The following C12orf75 variants were observed in gnomAD, a reference collection of about 807,000 sequenced individuals.
C12orf75 encodes the protein overexpressed in colon carcinoma 1 protein.
C12orf75 carries 4 observed loss-of-function variants against 11.4 expected under a neutral mutation model. The observed-to-expected ratio is 0.35, with a 90% CI of 0.17 to 0.80. The LOEUF is 0.80. Among genes scored for constraint, C12orf75 ranks in the 30% least tolerant of loss-of-function variants. The probability of loss-of-function intolerance (pLI) is 0.52; values close to 1 mark genes in which losing one functional copy is unlikely to be tolerated. For synonymous variants in C12orf75, 30 were observed against 30.0 expected (o/e 1.00, Z 0.00); for missense variants, 89 against 80.4 (o/e 1.11, Z -0.41).
At position 105,360,991 on chromosome 12, in the gene C12orf75, G is replaced by C. The variant is rs562619115; in HGVS notation, c.72-4816G>C. ...GGGTTTCTTCATGTTGGCCAGGCTG[G>C]TCTCGAACTCCTGACCTCAGGTGAT... On this transcript the variant is annotated intron_variant, in intron 2 of 5. Transcript: ENST00000443585. Among the ~76,000 whole-genome samples the C allele has an allele frequency of 8.5e-5, 13 of 152,228 alleles. No homozygotes were observed. The South Asian group carries it at 2.7e-3, about 32-fold the overall frequency.
intron 2 of C12orf75, among the ~76,000 whole-genome samples, chr12:105,362,904 A>G (rs919066272): frequency 1.3e-5 from 2 of 152,152 alleles, no homozygotes; most frequent in Non-Finnish European, 2.9e-5. Flanking sequence ...ATGAACTAAT[A>G]TAATAGGATT....
At chr12:105,333,375 C>G (rs552459147) in intron 1 of C12orf75, among the ~76,000 whole-genome samples, 86 of 152,352 alleles carry the variant, frequency 5.6e-4, no homozygotes, top group Middle Eastern at 6.8e-3. Context: ...GTCAATTGCA[C>G]TGTTGACCAA....
intron 1 of C12orf75, among the ~76,000 whole-genome samples, chr12:105,332,143 T>A (rs1892436701): frequency 6.6e-6 from 1 of 152,186 alleles, no homozygotes; most frequent in South Asian, 2.1e-4. Context: ...CAGACGGGCT[T>A]CAAACCTGCC....
At chr12:105,336,115 GC>G (rs2136139928) in intron 1 of C12orf75, among the ~76,000 whole-genome samples, 1 of 152,348 alleles carries the variant, frequency 6.6e-6, no homozygotes, top group East Asian at 1.9e-4. Flanking sequence ...CATTTTTAGT[GC>G]TGTAGGAAGT....
intron 2 of C12orf75, among the ~76,000 whole-genome samples, chr12:105,362,542 C>T (rs1295479021): frequency 6.6e-6 from 1 of 151,154 alleles, no homozygotes; most frequent in Non-Finnish European, 1.5e-5. Flanking sequence ...TGGCGGGTGC[C>T]TGTAGTCCCA....
intron 5 of C12orf75, among the ~76,000 whole-genome samples, 182 bp downstream of exon 5, chr12:105,367,691 C>T (rs1317382821): frequency 6.6e-6 from 1 of 152,072 alleles, no homozygotes; most frequent in Non-Finnish European, 1.5e-5. Flanking sequence ...GATCAATTTT[C>T]TTTCAGCTAC....
At chr12:105,335,098 G>C (rs1368681049) in intron 1 of C12orf75, among the ~76,000 whole-genome samples, 1 of 152,160 alleles carries the variant, frequency 6.6e-6, no homozygotes, top group Non-Finnish European at 1.5e-5. Context: ...AACTTTGCAG[G>C]CAACTTACTG....
intron 1 of C12orf75, among the ~76,000 whole-genome samples, chr12:105,345,982 G>A (rs962287647): frequency 2.0e-5 from 3 of 151,902 alleles, no homozygotes; most frequent in African/African-American, 7.3e-5. Flanking sequence ...TTTTAAGTCT[G>A]ATAAGAAACA....
rs1295528395 is a variant in C12orf75, at chr12:105,345,749, C to T, written c.47-2853C>T. Among the ~76,000 whole-genome samples the T allele has an allele frequency of 2.2e-5, 3 of 137,052 alleles. No homozygotes were observed. In the East Asian group the frequency reaches 7.5e-4, roughly 34 times the overall value. 89.9% of individuals were successfully genotyped at this position (137,052 alleles called of 152,430 possible). ...CAATCTCAACTCAATGCAACCTTTG[C>T]CTCCTGGGTTCAAGCAATTCTGCCT... On this transcript the variant is annotated intron_variant, in intron 1 of 5. Coordinates refer to ENST00000443585, the MANE Select transcript of C12orf75 (RefSeq NM_001145199.2).
chr12:105,367,177 C>T (rs1352292415), intron 4 of C12orf75, among the ~76,000 whole-genome samples: 1 of 152,174 alleles, frequency 6.6e-6, no homozygotes. Context: ...TAGATATCTT[C>T]TTGCTCAAGG....
Position 105,330,784 on chromosome 12 carries a change from C to A in C12orf75, c.-108C>A. 5 of 1,124,330 alleles carry A rather than the reference C, an allele frequency of 4.4e-6. No individual in the cohort carries two copies. The South Asian group carries it at 2.2e-4, about 49-fold the overall frequency. The allele number at this position is 1,124,330 out of a possible 1,614,324, so 69.6% of individuals were successfully genotyped here. On this transcript the variant is annotated 5_prime_UTR_variant, in exon 1 of 6. Coordinates refer to ENST00000443585, the MANE Select transcript of C12orf75 (RefSeq NM_001145199.2). ...CCCCCACTCGGTTCCTGGCCCCTCG[C>A]GGCCCCGTCAGCCTCCCGCTCGGGG... is the stretch of plus-strand genomic sequence containing the variant.
intron 1 of C12orf75, among the ~76,000 whole-genome samples, chr12:105,336,566 T>A (rs1426482207): frequency 6.6e-6 from 1 of 152,124 alleles, no homozygotes; most frequent in Non-Finnish European, 1.5e-5. Flanking sequence ...GGCGTGTACG[T>A]ATAGAAGTGG....
At chr12:105,346,423 TAAAAC>T (rs2136144334) in intron 1 of C12orf75, among the ~76,000 whole-genome samples, 1 of 152,348 alleles carries the variant, frequency 6.6e-6, no homozygotes, top group African/African-American at 2.4e-5. Context: ...GACTCTAAAA[TAAAAC>T]GTTCATTTTC....
chr12:105,361,809 G>T (rs1892870031), intron 2 of C12orf75, among the ~76,000 whole-genome samples: 2 of 152,208 alleles, frequency 1.3e-5, no homozygotes, highest in African/African-American at 4.8e-5. Flanking sequence ...CAACACAAGG[G>T]CTTGGACCTA....
chr12:105,365,678 A>G (rs1871450620), intron 2 of C12orf75, 129 bp from the exon 3 acceptor site: 7 of 698,534 alleles, frequency 1.0e-5, no homozygotes, highest in South Asian at 3.3e-5. Context: ...TTGCTCCTCT[A>G]CTTAAGTCTG....
At chr12:105,354,121 G>T (rs988272389) in intron 2 of C12orf75, among the ~76,000 whole-genome samples, 2 of 152,154 alleles carry the variant, frequency 1.3e-5, no homozygotes, top group African/African-American at 4.8e-5. Context: ...CATCCATGTA[G>T]TAGAAGGTAA....
intron 5 of C12orf75, among the ~76,000 whole-genome samples, chr12:105,368,945 TTTCTGAG>T (rs1448608397): frequency 6.6e-5 from 10 of 152,358 alleles, no homozygotes; most frequent in Admixed American, 2.0e-4. Flanking sequence ...TCCATATAGA[TTTCTGAG>T]TTCTCCGCTA....
intron 1 of C12orf75, among the ~76,000 whole-genome samples, chr12:105,340,427 C>G (rs1469652047): frequency 2.3e-5 from 2 of 88,712 alleles, no homozygotes; most frequent in Non-Finnish European, 4.1e-5. Context: ...TCCGTGCCCC[C>G]GCCAAAAAAA....
rs1234981162 is a variant in C12orf75, at chr12:105,371,361, ATAT to A, written c.*766_*768del. 6.6e-6 allele frequency: 1 copy of A among 152,198 alleles called. No individual in the cohort carries two copies. The highest frequency in any genetic ancestry group is 1.5e-5 in the Non-Finnish European group (1 of 68,034). 9.4% of individuals were successfully genotyped at this position (152,198 alleles called of 1,614,324 possible). On this transcript the variant is annotated 3_prime_UTR_variant, in exon 6 of 6. Coordinates refer to ENST00000443585, the MANE Select transcript of C12orf75 (RefSeq NM_001145199.2). ...CATTCTACATCACGACAATCTCATC[ATAT>A]TATTTCTATAACTTTTCAAGGACTT...
Sources: allele counts gnomAD v4.1 joint callset (sites outside exome capture counted in the v4.1 genomes callset), GRCh38; gene constraint gnomAD v4.1.1; transcripts MANE v1.5; gene names NCBI Gene and HGNC (gene_info 2026-07-23, HGNC 2026-07-21).